Variants in RPS6KC1 observed in about 807,000 individuals in gnomAD.
RPS6KC1 encodes ribosomal protein S6 kinase C1.
Under a neutral mutation model 103.8 loss-of-function variants are expected in RPS6KC1, and 54 were observed. That is an observed-to-expected ratio of 0.52 (90% CI 0.42 to 0.65). RPS6KC1 has a LOEUF of 0.65. Among genes scored for constraint, RPS6KC1 ranks in the 30% least tolerant of loss-of-function variants. RPS6KC1 has a pLI of 0.00. For missense variants in RPS6KC1, 1,151 were observed against 1,253.8 expected (o/e 0.92, Z 1.24); for synonymous variants, 439 against 438.7 (o/e 1.00, Z -0.01).
In RPS6KC1 at chr1:213,153,287, G is replaced by C. The variant is rs572061973; in HGVS notation, c.836-14571G>C. ...GGGAGAGGGAGAGGCAAAGGCAGGC[G>C]CAGAGGCAGGCACAGAGGCAGGGGC... On this transcript the variant is annotated intron_variant, in intron 6 of 14. Coordinates refer to ENST00000366960, the MANE Select transcript of RPS6KC1 (RefSeq NM_012424.6). Among the ~76,000 whole-genome samples, 3 of 151,774 alleles carry C rather than the reference G, an allele frequency of 2.0e-5. No individual in the cohort carries two copies. The South Asian group carries it at 6.3e-4, about 32-fold the overall frequency.
At chr1:213,453,055 G>A in the RPS6KC1 span, among the ~76,000 whole-genome samples, 10 of 152,066 alleles carry the variant, frequency 6.6e-5, 1 homozygote, top group South Asian at 1.9e-3. Flanking sequence ...TCCACGTATG[G>A]TATCACTGAG....
At chr1:213,287,231 AATGTGT>A in the RPS6KC1 span, among the ~76,000 whole-genome samples, 1 of 69,374 alleles carries the variant, frequency 1.4e-5, no homozygotes, top group African/African-American at 5.6e-5. Context: ...GTGCCTATAC[AATGTGT>A]GTGTGTGTGT....
the RPS6KC1 span, among the ~76,000 whole-genome samples, chr1:213,483,440 G>A: frequency 6.6e-6 from 1 of 152,134 alleles, no homozygotes; most frequent in Non-Finnish European, 1.5e-5. Flanking sequence ...CCCCCCCAAA[G>A]TTTTGGACAT....
At chr1:213,593,140 G>C in the RPS6KC1 span, among the ~76,000 whole-genome samples, 2 of 152,114 alleles carry the variant, frequency 1.3e-5, no homozygotes, top group African/African-American at 4.8e-5. Flanking sequence ...AGACTGGTGT[G>C]GTGGGGCACA....
At chr1:213,084,268 CTTTCTTTT>C (rs2080178513) in intron 3 of RPS6KC1, among the ~76,000 whole-genome samples, 1 of 151,626 alleles carries the variant, frequency 6.6e-6, no homozygotes, top group African/African-American at 2.4e-5. Context: ...ACTTTTCTTT[CTTTCTTTT>C]CTAACTTTTT....
chr1:213,264,762 G>C (rs1321352395), intron 14 of RPS6KC1, among the ~76,000 whole-genome samples: 2 of 152,056 alleles, frequency 1.3e-5, no homozygotes, highest in Non-Finnish European at 2.9e-5. Flanking sequence ...ACAGGTCATA[G>C]AGGTCACTTT....
In RPS6KC1 at chr1:213,169,533, C is replaced by A. The variant is rs78465127; in HGVS notation, c.951+1560C>A. ...CTTTTAATTATATTAAATTTATTTCCTTTACTTTTTCACCATTGAATTTTA... is the reference window on the plus strand; with the variant it reads ...CTTTTAATTATATTAAATTTATTTCATTTACTTTTTCACCATTGAATTTTA... On this transcript the variant is annotated intron_variant, in intron 7 of 14. Coordinates refer to ENST00000366960, the MANE Select transcript of RPS6KC1 (RefSeq NM_012424.6). 1.1e-4 allele frequency among the ~76,000 whole-genome samples: 16 copies of A among 151,938 alleles called. No individual in the cohort carries two copies. The East Asian group carries it at 2.9e-3, about 28-fold the overall frequency.
intron 6 of RPS6KC1, among the ~76,000 whole-genome samples, chr1:213,164,465 A>G (rs2090770238): frequency 6.6e-6 from 1 of 152,270 alleles, no homozygotes; most frequent in Admixed American, 6.5e-5. Context: ...GAAGAAACAC[A>G]GGTTGTCACA....
At chr1:213,558,853 T>C in the RPS6KC1 span, among the ~76,000 whole-genome samples, 1 of 152,202 alleles carries the variant, frequency 6.6e-6, no homozygotes, top group Non-Finnish European at 1.5e-5. Flanking sequence ...GCACCTTGCT[T>C]CTGTTTTCTG....
At chr1:213,504,571 C>T in the RPS6KC1 span, among the ~76,000 whole-genome samples, 1 of 152,158 alleles carries the variant, frequency 6.6e-6, no homozygotes, top group African/African-American at 2.4e-5. Flanking sequence ...CAAGTAATTG[C>T]CTAGTACAGG....
At chr1:213,851,088 CA>C in the RPS6KC1 span, among the ~76,000 whole-genome samples, 5 of 152,074 alleles carry the variant, frequency 3.3e-5, no homozygotes, top group African/African-American at 1.2e-4. Context: ...TTCCCATCAT[CA>C]ACCCCCTCTT....
the RPS6KC1 span, among the ~76,000 whole-genome samples, chr1:213,296,707 T>G: frequency 3.3e-5 from 5 of 152,174 alleles, no homozygotes; most frequent in African/African-American, 1.2e-4. Flanking sequence ...TTTTGGGGAC[T>G]AGTTGGTCAG....
At chr1:213,131,081 G>T (rs926795530) in intron 6 of RPS6KC1, among the ~76,000 whole-genome samples, 2 of 152,090 alleles carry the variant, frequency 1.3e-5, no homozygotes, top group African/African-American at 4.8e-5. Flanking sequence ...AATGTGTTCA[G>T]TTTGCCATCT....
At chr1:213,322,105 A>T in the RPS6KC1 span, among the ~76,000 whole-genome samples, 1 of 152,176 alleles carries the variant, frequency 6.6e-6, no homozygotes, top group African/African-American at 2.4e-5. Context: ...CAGGAGTTTG[A>T]GACCAGCCTG....
chr1:213,545,415 T>TAAATAAATAAATAAAA, the RPS6KC1 span, among the ~76,000 whole-genome samples: 16 of 89,992 alleles, frequency 1.8e-4, no homozygotes, highest in East Asian at 3.0e-3. Context: ...AATAAATAAA[T>TAAATAAATAAATAAAA]AAAATAAAAT....
At chr1:213,725,437 G>A in the RPS6KC1 span, among the ~76,000 whole-genome samples, 1 of 152,224 alleles carries the variant, frequency 6.6e-6, no homozygotes, top group Non-Finnish European at 1.5e-5. Flanking sequence ...AGATGCCCAG[G>A]ACAAGAGAAG....
the RPS6KC1 span, among the ~76,000 whole-genome samples, chr1:213,317,633 A>T: frequency 3.9e-5 from 6 of 152,246 alleles, no homozygotes; most frequent in African/African-American, 1.4e-4. Flanking sequence ...TTCAGCCTAT[A>T]GCAGGTAGGA....
intron 8 of RPS6KC1, among the ~76,000 whole-genome samples, chr1:213,180,734 G>C (rs2092215296): frequency 6.6e-6 from 1 of 152,086 alleles, no homozygotes; most frequent in South Asian, 2.1e-4. Context: ...TATAGACATG[G>C]GTGCAATTCT....
intron 8 of RPS6KC1, among the ~76,000 whole-genome samples, chr1:213,200,363 T>G (rs1266277700): frequency 1.3e-5 from 2 of 152,110 alleles, no homozygotes; most frequent in African/African-American, 4.8e-5. Context: ...TTGACAGACC[T>G]GACAAAAACA....
Sources: gnomAD v4.1 joint callset for allele counts (sites outside exome capture counted in the v4.1 genomes callset) on GRCh38, gnomAD v4.1.1 for gene constraint, MANE v1.5 for transcripts, NCBI Gene and HGNC (gene_info 2026-07-23, HGNC 2026-07-21) for gene names.